The following CSMD3 variants were observed in gnomAD, a reference collection of about 807,000 sequenced individuals.
CSMD3 encodes the protein CUB and sushi domain-containing protein 3.
CSMD3 carries 177 observed loss-of-function variants against 435.2 expected under a neutral mutation model. That is an observed-to-expected ratio of 0.41 (90% confidence interval 0.36 to 0.46). The LOEUF is 0.46. Among genes scored for constraint, CSMD3 ranks in the 20% least tolerant of loss-of-function variants. CSMD3 has a pLI of 0.34. For synonymous variants in CSMD3, 1,656 were observed against 1,520.5 expected (o/e 1.09, Z -2.07); for missense variants, 4,265 against 4,504.6 (o/e 0.95, Z 1.52).
chr8:112,681,651 A>AT (rs1354752415), intron 16 of CSMD3, among the ~76,000 whole-genome samples: 1 of 152,060 alleles, frequency 6.6e-6, no homozygotes, highest in Non-Finnish European at 1.5e-5. Context: ...AGATCACTTG[A>AT]TATCAAGAGT....
At chr8:112,332,756 G>C (rs1288117128) in intron 45 of CSMD3, among the ~76,000 whole-genome samples, 3 of 152,046 alleles carry the variant, frequency 2.0e-5, no homozygotes, top group African/African-American at 7.2e-5. Context: ...ATGAATAAAT[G>C]TCCTATTTGA....
intron 31 of CSMD3, 114 bp downstream of exon 31, chr8:112,492,375 C>G: frequency 1.2e-6 from 1 of 828,742 alleles, no homozygotes; most frequent in East Asian, 2.6e-5. Context: ...ATTGCTAGTA[C>G]GACACTTGTA....
intron 27 of CSMD3, among the ~76,000 whole-genome samples, chr8:112,549,886 T>A (rs994061459): frequency 1.3e-5 from 2 of 152,046 alleles, no homozygotes; most frequent in African/African-American, 4.8e-5. Flanking sequence ...TTTTCACTCA[T>A]AGTTGATCAT....
intron 32 of CSMD3, among the ~76,000 whole-genome samples, chr8:112,435,349 A>T (rs1329453724): frequency 2.0e-5 from 3 of 152,064 alleles, no homozygotes; most frequent in Non-Finnish European, 4.4e-5. Context: ...TGTGGCAGGT[A>T]TTAACATTCT....
At chr8:112,967,276 C>T (rs1374958522) in intron 7 of CSMD3, among the ~76,000 whole-genome samples, 3 of 151,846 alleles carry the variant, frequency 2.0e-5, no homozygotes, top group African/African-American at 4.8e-5. Flanking sequence ...TAAAGTGACT[C>T]CTTTAAAAAT....
At chr8:113,286,406 G>T (rs1411424031) in intron 2 of CSMD3, among the ~76,000 whole-genome samples, 1 of 152,068 alleles carries the variant, frequency 6.6e-6, no homozygotes, top group Non-Finnish European at 1.5e-5. Flanking sequence ...AAAAGTGATA[G>T]AAATTTACAT....
At chr8:112,603,179 A>C (rs2131427388) in intron 22 of CSMD3, among the ~76,000 whole-genome samples, 1 of 152,344 alleles carries the variant, frequency 6.6e-6, no homozygotes, top group Admixed American at 6.5e-5. Flanking sequence ...CATCTGGCCC[A>C]ATTCACATTT....
chr8:113,081,416 G>T (rs1423073914), intron 5 of CSMD3, among the ~76,000 whole-genome samples: 1 of 152,000 alleles, frequency 6.6e-6, no homozygotes, highest in East Asian at 1.9e-4. Flanking sequence ...TGTCTTTGTT[G>T]GGACTCCCCC....
intron 12 of CSMD3, among the ~76,000 whole-genome samples, chr8:112,811,979 G>T (rs537960706): frequency 3.9e-5 from 6 of 152,216 alleles, no homozygotes; most frequent in African/African-American, 1.4e-4. Context: ...TCATATTCTT[G>T]TAAGACTCTC....
chr8:112,556,454 T>C (rs1224125019), intron 25 of CSMD3, among the ~76,000 whole-genome samples: 4 of 152,010 alleles, frequency 2.6e-5, no homozygotes, highest in African/African-American at 7.2e-5. Flanking sequence ...TAAATGTGTA[T>C]AATTAAAAGT....
At chr8:112,407,547 T>C (rs944219002) in intron 34 of CSMD3, among the ~76,000 whole-genome samples, 2 of 151,998 alleles carry the variant, frequency 1.3e-5, no homozygotes, top group African/African-American at 4.8e-5. Context: ...TATAGTGCCT[T>C]TTTGCAGTCG....
chr8:112,588,088 C>T (rs1465606664), intron 22 of CSMD3, among the ~76,000 whole-genome samples: 2 of 151,380 alleles, frequency 1.3e-5, no homozygotes, highest in African/African-American at 4.8e-5. Flanking sequence ...ATTCAATAAA[C>T]TAAGTTTTCT....
intron 13 of CSMD3, among the ~76,000 whole-genome samples, chr8:112,792,246 C>T (rs2078709688): frequency 6.6e-6 from 1 of 152,008 alleles, no homozygotes; most frequent in Non-Finnish European, 1.5e-5. Flanking sequence ...TTATAAAATT[C>T]CATAGCCTGA....
intron 22 of CSMD3, among the ~76,000 whole-genome samples, chr8:112,625,879 G>C (rs1834436186): frequency 2.0e-5 from 3 of 152,040 alleles, no homozygotes; most frequent in Admixed American, 6.6e-5. Flanking sequence ...AACTTACCTT[G>C]ACATTTTTGA....
At chr8:113,279,824 T>G (rs954276654) in intron 2 of CSMD3, among the ~76,000 whole-genome samples, 1 of 151,954 alleles carries the variant, frequency 6.6e-6, no homozygotes, top group South Asian at 2.1e-4. Flanking sequence ...GACTTCATTT[T>G]GTAATTTCAT....
intron 31 of CSMD3, among the ~76,000 whole-genome samples, chr8:112,482,546 C>T (rs1398593075): frequency 6.6e-6 from 1 of 152,092 alleles, no homozygotes; most frequent in Non-Finnish European, 1.5e-5. Flanking sequence ...TTGTCACTAC[C>T]CCCAAGTTCC....
chr8:112,919,558 C>T (rs2082673457), intron 10 of CSMD3, among the ~76,000 whole-genome samples: 1 of 151,726 alleles, frequency 6.6e-6, no homozygotes, highest in Admixed American at 6.6e-5. Context: ...ACATTAATCT[C>T]CTTTTCTCTG....
intron 2 of CSMD3, among the ~76,000 whole-genome samples, chr8:113,301,963 C>A (rs1404363464): frequency 6.6e-6 from 1 of 151,570 alleles, no homozygotes; most frequent in East Asian, 1.9e-4. Context: ...ACCCTTTAAC[C>A]TTTGTGACAT....
At chr8:112,618,020 G>A (rs1833789839) in intron 22 of CSMD3, among the ~76,000 whole-genome samples, 1 of 152,056 alleles carries the variant, frequency 6.6e-6, no homozygotes, top group African/African-American at 2.4e-5. Context: ...GCCAGAAAAA[G>A]TAATGAAACC....
Sources: allele counts gnomAD v4.1 joint callset (sites outside exome capture counted in the v4.1 genomes callset), GRCh38; gene constraint gnomAD v4.1.1; transcripts MANE v1.5; gene names NCBI Gene and HGNC (gene_info 2026-07-23, HGNC 2026-07-21).